Variants in SLC1A1 observed in about 807,000 individuals in gnomAD.
The protein encoded by SLC1A1 is solute carrier family 1 member 1, also known as excitatory amino acid transporter 3.
In SLC1A1, 43 loss-of-function variants were observed where a neutral mutation model predicts 53.3. The ratio of observed to expected loss-of-function variants is 0.81; its 90% CI spans 0.63 to 1.04. The LOEUF (loss-of-function observed/expected upper bound fraction) is 1.04, where lower values mean the gene tolerates loss of function less well. Among genes scored for constraint, SLC1A1 ranks in the 50% least tolerant of loss-of-function variants. SLC1A1 has a pLI of 0.00. For missense variants in SLC1A1, 748 were observed against 664.9 expected (o/e 1.12, Z -1.37); for synonymous variants, 307 against 243.2 (o/e 1.26, Z -2.44).
intron 10 of SLC1A1, 142 bp from the exon 11 acceptor site, chr9:4,582,891 GGCTCA>G: frequency 9.9e-7 from 1 of 1,008,662 alleles, no homozygotes; most frequent in Non-Finnish European, 1.6e-6. Context: ...GCAGAGCTGG[GGCTCA>G]GCAAGTCACA....
chr9:4,552,492 T>A (rs1160879346), intron 2 of SLC1A1, among the ~76,000 whole-genome samples: 3 of 151,872 alleles, frequency 2.0e-5, no homozygotes, highest in Non-Finnish European at 2.9e-5. Context: ...GCAAGAGGAA[T>A]GGGATGGAAA....
In SLC1A1 at chr9:4,561,456, T is replaced by C; in HGVS notation, c.240T>C (p.Ala80=). 2.5e-6 allele frequency: 4 copies of C among 1,597,522 alleles called. No homozygotes were observed. The highest frequency in any genetic ancestry group is 3.4e-6 in the Non-Finnish European group (4 of 1,164,964). ...LIISSMITGV[A]ALDSNVSGKI... The stretch of plus-strand genomic sequence containing the variant: ...TTTCTGTCTCCCCTTCAGGTGTTGC[T>C]GCACTGGATTCCAACGTATCCGGAA... Residue 80 remains alanine (A), a synonymous_variant, in exon 3 of 12, where the codon GCT becomes GCC. Coordinates refer to ENST00000262352, the MANE Select transcript of SLC1A1 (RefSeq NM_004170.6).
intron 1 of SLC1A1, among the ~76,000 whole-genome samples, chr9:4,505,744 C>T (rs950985647): frequency 6.6e-6 from 1 of 152,178 alleles, no homozygotes; most frequent in African/African-American, 2.4e-5. Flanking sequence ...TCAACCTTCA[C>T]CTCCTGGGTT....
intron 1 of SLC1A1, among the ~76,000 whole-genome samples, chr9:4,541,524 G>T (rs1817007571): frequency 6.6e-6 from 1 of 152,070 alleles, no homozygotes; most frequent in Non-Finnish European, 1.5e-5. Flanking sequence ...AGGAAAGAGG[G>T]AGGCTAGTCT....
At chr9:4,534,622 C>A (rs1223458822) in intron 1 of SLC1A1, among the ~76,000 whole-genome samples, 1 of 152,026 alleles carries the variant, frequency 6.6e-6, no homozygotes, top group Non-Finnish European at 1.5e-5. Flanking sequence ...CAGCCGAATT[C>A]TACCAGAGGT....
chr9:4,533,224 A>G (rs1816544359), intron 1 of SLC1A1, among the ~76,000 whole-genome samples: 1 of 152,182 alleles, frequency 6.6e-6, no homozygotes, highest in African/African-American at 2.4e-5. Flanking sequence ...TATTAACCTT[A>G]AATGTAAATG....
At chr9:4,541,277 C>G (rs1816981979) in intron 1 of SLC1A1, among the ~76,000 whole-genome samples, 1 of 152,148 alleles carries the variant, frequency 6.6e-6, no homozygotes, top group African/African-American at 2.4e-5. Context: ...ATCATGGACT[C>G]TAGAGAAATG....
intron 1 of SLC1A1, among the ~76,000 whole-genome samples, chr9:4,539,066 A>G (rs1288486617): frequency 6.7e-6 from 1 of 148,712 alleles, no homozygotes; most frequent in African/African-American, 2.5e-5. Flanking sequence ...TCAAGCCAAA[A>G]TTAATTTACA....
intron 1 of SLC1A1, among the ~76,000 whole-genome samples, chr9:4,522,143 C>G (rs990814862): frequency 2.7e-5 from 4 of 147,544 alleles, no homozygotes; most frequent in African/African-American, 1.0e-4. Flanking sequence ...GCTCTGCCTC[C>G]TGGGTTCGTG....
intron 2 of SLC1A1, among the ~76,000 whole-genome samples, chr9:4,557,063 G>T (rs1055202937): frequency 6.6e-6 from 1 of 152,164 alleles, no homozygotes; most frequent in East Asian, 1.9e-4. Flanking sequence ...TTTCTAAGGG[G>T]ACTACCTGCT....
At chr9:4,560,779 TGA>T (rs1818860049) in intron 2 of SLC1A1, among the ~76,000 whole-genome samples, 1 of 152,004 alleles carries the variant, frequency 6.6e-6, no homozygotes, top group Non-Finnish European at 1.5e-5. Flanking sequence ...GTGGATCACC[TGA>T]GGTCAGGAGT....
chr9:4,576,611 T>A lies in SLC1A1; in HGVS notation c.1041T>A (p.Asn347Lys). The A allele has an allele frequency of 6.2e-7, 1 of 1,614,178 alleles. No homozygotes were observed. The highest frequency in any genetic ancestry group is 2.2e-5 in the East Asian group (1 of 44,874). The change falls in exon 10 of 12, where the codon AAT becomes AAA. Residue 347 changes from asparagine (N) to lysine (K), a missense_variant. Coordinates refer to ENST00000262352, the MANE Select transcript of SLC1A1 (RefSeq NM_004170.6). ...TCACCTTCCGCTGTGCTGAAGAAAA[T>A]AACCAGGTGGACAAGAGGATCACTC... Reference protein sequence around the residue: ...LPVTFRCAEENNQVDKRITRF... With the variant: ...LPVTFRCAEEKNQVDKRITRF...
intron 1 of SLC1A1, among the ~76,000 whole-genome samples, chr9:4,538,945 A>G (rs2130868169): frequency 6.6e-6 from 1 of 152,390 alleles, no homozygotes; most frequent in East Asian, 1.9e-4. Flanking sequence ...CCAAAGGGCA[A>G]AAAGACACAT....
At chr9:4,575,183 C>T (rs552677648) in intron 8 of SLC1A1, among the ~76,000 whole-genome samples, 2 of 152,300 alleles carry the variant, frequency 1.3e-5, no homozygotes, top group African/African-American at 2.4e-5. Flanking sequence ...GATCCTCTCG[C>T]CAGAACTCCA....
intron 1 of SLC1A1, among the ~76,000 whole-genome samples, chr9:4,491,999 C>A (rs1023715006): frequency 2.6e-5 from 4 of 152,122 alleles, no homozygotes; most frequent in African/African-American, 9.7e-5. Context: ...ATTGGATTCT[C>A]CAGAACCTTG....
At chr9:4,555,209 C>A (rs28420685) in intron 2 of SLC1A1, among the ~76,000 whole-genome samples, 38,271 of 152,054 alleles carry the variant, frequency 0.25, 5,270 homozygotes, top group African/African-American at 0.34. Flanking sequence ...ATCCACATGG[C>A]GAGTTTTAAC....
intron 1 of SLC1A1, among the ~76,000 whole-genome samples, chr9:4,509,783 G>T (rs537074622): frequency 6.6e-6 from 1 of 152,184 alleles, no homozygotes; most frequent in East Asian, 1.9e-4. Context: ...GGTTTTCTCG[G>T]GACATCAAGA....
At chr9:4,501,573 T>C (rs771280201) in intron 1 of SLC1A1, among the ~76,000 whole-genome samples, 67 of 151,766 alleles carry the variant, frequency 4.4e-4, no homozygotes, top group Non-Finnish European at 6.9e-4. Context: ...AAGACCAGCC[T>C]GACCAACATG....
chr9:4,511,180 C>T (rs1264202335), intron 1 of SLC1A1, among the ~76,000 whole-genome samples: 1 of 152,196 alleles, frequency 6.6e-6, no homozygotes, highest in African/African-American at 2.4e-5. Context: ...GCTGCTGTAA[C>T]AACATCCCAC....
Sources: gnomAD v4.1 joint callset for allele counts (sites outside exome capture counted in the v4.1 genomes callset) on GRCh38, gnomAD v4.1.1 for gene constraint, MANE v1.5 for transcripts, NCBI Gene and HGNC (gene_info 2026-07-23, HGNC 2026-07-21) for gene names.